The following DLGAP4 variants were observed in gnomAD, a reference collection of about 807,000 sequenced individuals.
The protein encoded by DLGAP4 is DLG associated protein 4.
DLGAP4 carries 18 observed loss-of-function variants against 86.9 expected under a neutral mutation model. The observed-to-expected ratio is 0.21, with a 90% CI of 0.14 to 0.31. The LOEUF is 0.31. DLGAP4 is among the 10% of genes least tolerant of loss of function. The pLI is 1.00. For synonymous variants in DLGAP4, 548 were observed against 574.3 expected (o/e 0.95, Z 0.65); for missense variants, 1,085 against 1,362.6 (o/e 0.80, Z 3.21).
chr20:36,451,077 G>A (rs2033723140), intron 7 of DLGAP4, among the ~76,000 whole-genome samples: 1 of 152,210 alleles, frequency 6.6e-6, no homozygotes, highest in Non-Finnish European at 1.5e-5. Context: ...CCTAAAGAAA[G>A]TTAGGGAGCT....
At chr20:36,369,315 G>A (rs868786780) in intron 2 of DLGAP4, among the ~76,000 whole-genome samples, 19 of 152,162 alleles carry the variant, frequency 1.2e-4, no homozygotes, top group Non-Finnish European at 1.8e-4. Flanking sequence ...AATGGCTGCC[G>A]GGCATGGTGG....
At chr20:36,390,353 A>G (rs1015369032) in intron 2 of DLGAP4, among the ~76,000 whole-genome samples, 2 of 152,176 alleles carry the variant, frequency 1.3e-5, no homozygotes, top group African/African-American at 4.8e-5. Flanking sequence ...CTAAACCTGG[A>G]GTCACACAGA....
At chr20:36,470,323 A>G (rs1174805446) in intron 7 of DLGAP4, among the ~76,000 whole-genome samples, 1 of 152,150 alleles carries the variant, frequency 6.6e-6, no homozygotes, top group East Asian at 1.9e-4. Flanking sequence ...CACAGTGTCC[A>G]GGCTTCCTCA....
intron 2 of DLGAP4, among the ~76,000 whole-genome samples, chr20:36,407,849 AG>A (rs1006921283): frequency 6.6e-6 from 1 of 152,120 alleles, no homozygotes; most frequent in Non-Finnish European, 1.5e-5. Context: ...AGGCAGGGGC[AG>A]GTTGCCAAAG....
intron 2 of DLGAP4, among the ~76,000 whole-genome samples, chr20:36,426,318 C>A (rs538865970): frequency 6.6e-6 from 1 of 152,248 alleles, no homozygotes; most frequent in South Asian, 2.1e-4. Flanking sequence ...AGTTCAAGAC[C>A]AGCCTGGCCA....
At chr20:36,479,919 G>A (rs2035110219) in intron 7 of DLGAP4, among the ~76,000 whole-genome samples, 2 of 152,108 alleles carry the variant, frequency 1.3e-5, no homozygotes. Flanking sequence ...GAGGGCCTGG[G>A]ATTGGGCAGC....
chr20:36,355,147 GC>G (rs1268447457), intron 1 of DLGAP4, among the ~76,000 whole-genome samples: 2 of 152,080 alleles, frequency 1.3e-5, no homozygotes. Context: ...CCCACCCCTG[GC>G]CCCAGGCAAC....
chr20:36,446,732 GGCCTGCGAGTCA>G lies in DLGAP4; in HGVS notation c.1450_1461del (p.Glu484_Cys487del), dbSNP rs1431679650. ...CAGAGCTGAGTGACCAGTATGAGGCGGCCTGCGAGTCAGCCTGCAGTGAAGCGGAGTCCACAG... is the reference window on the plus strand; with the variant it reads ...CAGAGCTGAGTGACCAGTATGAGGCGGCCTGCAGTGAAGCGGAGTCCACAG... On this transcript the variant is annotated inframe_deletion, in exon 7 of 13. Coordinates refer to ENST00000339266, the MANE Select transcript of DLGAP4 (RefSeq NM_001365621.2). The G allele has an allele frequency of 6.2e-7, 1 of 1,611,406 alleles. No homozygotes were observed. Among genetic ancestry groups the G allele is most frequent in the East Asian group, 2.2e-5 (1 of 44,850 alleles).
intron 7 of DLGAP4, among the ~76,000 whole-genome samples, chr20:36,474,743 A>AGGGTGGG (rs2034832918): frequency 1.4e-5 from 2 of 144,120 alleles, no homozygotes; most frequent in African/African-American, 5.0e-5. Context: ...GTGTGTGGGA[A>AGGGTGGG]GGGTGGGGGG....
chr20:36,315,583 C>T (rs1295190012), intron 1 of DLGAP4, among the ~76,000 whole-genome samples: 1 of 152,034 alleles, frequency 6.6e-6, no homozygotes, highest in Non-Finnish European at 1.5e-5. Context: ...CTGGCCGCAG[C>T]TAGCAAAGCC....
intron 7 of DLGAP4, among the ~76,000 whole-genome samples, chr20:36,455,592 CTCTGAG>C (rs2033859544): frequency 6.6e-6 from 1 of 152,194 alleles, no homozygotes; most frequent in South Asian, 2.1e-4. Context: ...TTCTGTGTCA[CTCTGAG>C]TGGGCACCTG....
chr20:36,312,454 A>G (rs1214362661), intron 1 of DLGAP4, among the ~76,000 whole-genome samples: 1 of 152,148 alleles, frequency 6.6e-6, no homozygotes, highest in East Asian at 1.9e-4. Context: ...AGGTGAGAGA[A>G]GGGCTGCGCA....
chr20:36,368,507 A>G (rs981120671), intron 2 of DLGAP4, among the ~76,000 whole-genome samples: 1 of 152,232 alleles, frequency 6.6e-6, no homozygotes, highest in Non-Finnish European at 1.5e-5. Context: ...CAGCCTTATT[A>G]TGACTAACCA....
chr20:36,498,627 G>C (rs2035988739), intron 8 of DLGAP4: 1 of 152,540 alleles, frequency 6.6e-6, no homozygotes, highest in Non-Finnish European at 1.5e-5. Context: ...TTTGCCGAGG[G>C]GAAATGTGGC....
intron 3 of DLGAP4, among the ~76,000 whole-genome samples, chr20:36,434,718 G>A (rs1437192098): frequency 6.6e-6 from 1 of 152,228 alleles, no homozygotes; most frequent in Non-Finnish European, 1.5e-5. Context: ...GGGTTTATGG[G>A]AAGGCTGGGT....
At chr20:36,485,657 C>T (rs763778435) in intron 7 of DLGAP4, among the ~76,000 whole-genome samples, 3 of 152,134 alleles carry the variant, frequency 2.0e-5, no homozygotes, top group South Asian at 2.1e-4. Context: ...GAGCTTTCTG[C>T]GCTGCCACTC....
intron 7 of DLGAP4, among the ~76,000 whole-genome samples, chr20:36,454,911 C>T (rs536765804): frequency 6.6e-6 from 1 of 152,170 alleles, no homozygotes; most frequent in Non-Finnish European, 1.5e-5. Flanking sequence ...TCTCCCTCCC[C>T]CTGTCTGACC....
At chr20:36,403,142 A>T (rs1165238649) in intron 2 of DLGAP4, among the ~76,000 whole-genome samples, 1 of 152,210 alleles carries the variant, frequency 6.6e-6, no homozygotes, top group East Asian at 1.9e-4. Flanking sequence ...GGTAATGTAT[A>T]ATGAACAGAA....
At chr20:36,340,577 C>T (rs1204252131) in intron 1 of DLGAP4, among the ~76,000 whole-genome samples, 1 of 152,188 alleles carries the variant, frequency 6.6e-6, no homozygotes, top group Non-Finnish European at 1.5e-5. Context: ...CCTCCTTGCA[C>T]CCTGGTCTTT....
Sources: allele counts gnomAD v4.1 joint callset (sites outside exome capture counted in the v4.1 genomes callset), GRCh38; gene constraint gnomAD v4.1.1; transcripts MANE v1.5; gene names NCBI Gene and HGNC (gene_info 2026-07-23, HGNC 2026-07-21).